Variants in STXBP6 observed in about 807,000 individuals in gnomAD.
The protein encoded by STXBP6 is syntaxin binding protein 6.
STXBP6 carries 21 observed loss-of-function variants against 26.9 expected under a neutral mutation model. That is an observed-to-expected ratio of 0.78 (90% CI 0.55 to 1.12). STXBP6 has a LOEUF of 1.12. STXBP6 is among the 50% of genes most tolerant of loss of function. The pLI, the probability that STXBP6 is intolerant of heterozygous loss-of-function variation, is 0.00. For missense variants in STXBP6, 232 were observed against 257.9 expected, an observed-to-expected ratio of 0.90 and a Z score of 0.69; for synonymous variants, 97 against 92.6, an observed-to-expected ratio of 1.05 and a Z score of -0.27.
At chr14:24,990,692 CA>C (rs1181316200) in intron 1 of STXBP6, among the ~76,000 whole-genome samples, 24 of 144,528 alleles carry the variant, frequency 1.7e-4, no homozygotes, top group African/African-American at 6.0e-4. Flanking sequence ...TAAGCTGGGT[CA>C]ATTAGATCCT....
At chr14:24,830,788 G>C (rs979175246) in intron 4 of STXBP6, among the ~76,000 whole-genome samples, 4 of 152,114 alleles carry the variant, frequency 2.6e-5, no homozygotes, top group Admixed American at 1.3e-4. Flanking sequence ...AGAGAGAAGG[G>C]AAGGGGCTTG....
At chr14:24,829,797 C>T (rs891893921) in intron 4 of STXBP6, among the ~76,000 whole-genome samples, 12 of 151,956 alleles carry the variant, frequency 7.9e-5, no homozygotes, top group South Asian at 2.1e-4. Flanking sequence ...ACCCCATGAC[C>T]GGCAAGGGGC....
chr14:25,011,127 G>C (rs1054202641), intron 1 of STXBP6, among the ~76,000 whole-genome samples: 1 of 152,168 alleles, frequency 6.6e-6, no homozygotes. Context: ...ACAAAAACTA[G>C]TTTAGTATTA....
At chr14:24,922,006 A>G (rs2071996685) in intron 2 of STXBP6, among the ~76,000 whole-genome samples, 1 of 151,458 alleles carries the variant, frequency 6.6e-6, no homozygotes, top group Admixed American at 6.6e-5. Flanking sequence ...TTTTTTCAGG[A>G]TACCATGCAT....
rs554569352 is a variant in STXBP6 at position 24,856,843 on chromosome 14, T to A, written c.285+184A>T. Among the ~76,000 whole-genome samples the A allele has an allele frequency of 2.9e-4, 44 of 152,146 alleles. 1 individual carries two copies. In the Middle Eastern group the frequency reaches 0.017, roughly 59 times the overall value. On this transcript the variant is annotated intron_variant, in intron 3 of 5. Coordinates refer to ENST00000323944, the MANE Select transcript of STXBP6 (RefSeq NM_001394410.1). ...TTCTGTTAGATTCCTCTATTAAACA[T>A]GATGAAAAGATTTATAATTTCCCAT...
At chr14:24,830,798 G>A (rs1478634669) in intron 4 of STXBP6, among the ~76,000 whole-genome samples, 1 of 152,128 alleles carries the variant, frequency 6.6e-6, no homozygotes, top group Admixed American at 6.5e-5. Context: ...GAAGGGGCTT[G>A]CAAATCCTAT....
At chr14:25,020,530 T>TCACAA (rs774629507) in intron 1 of STXBP6, among the ~76,000 whole-genome samples, 28 of 152,166 alleles carry the variant, frequency 1.8e-4, no homozygotes, top group Non-Finnish European at 4.0e-4. Flanking sequence ...ACAACCTCAA[T>TCACAA]ACCCAACCCT....
At chr14:24,971,861 T>C (rs17109380) in intron 2 of STXBP6, among the ~76,000 whole-genome samples, 17,464 of 152,260 alleles carry the variant, frequency 0.11, 1,089 homozygotes, top group African/African-American at 0.14. Context: ...CCCACCAAAT[T>C]AGGTAAGATG....
chr14:25,037,476 A>G (rs182311581), intron 1 of STXBP6, among the ~76,000 whole-genome samples: 8 of 152,344 alleles, frequency 5.3e-5, no homozygotes, highest in African/African-American at 1.9e-4. Context: ...ATTAAAAGAC[A>G]TCATTCAAAT....
intron 2 of STXBP6, among the ~76,000 whole-genome samples, chr14:24,876,524 T>C (rs375348983): frequency 3.6e-4 from 55 of 152,138 alleles, no homozygotes; most frequent in African/African-American, 1.3e-3. Flanking sequence ...AGGACACCCA[T>C]AGTTATAACT....
chr14:24,843,380 C>G (rs1168998064), intron 4 of STXBP6, among the ~76,000 whole-genome samples: 1 of 152,116 alleles, frequency 6.6e-6, no homozygotes, highest in African/African-American at 2.4e-5. Context: ...TTCTCTACTT[C>G]CATTAACTCC....
intron 1 of STXBP6, among the ~76,000 whole-genome samples, chr14:25,041,959 A>G (rs1327686665): frequency 2.0e-5 from 3 of 152,232 alleles, no homozygotes; most frequent in African/African-American, 7.2e-5. Flanking sequence ...AAAGGGTACA[A>G]TTACTACCCT....
chr14:24,857,002 G>T, intron 3 of STXBP6, 25 bp downstream of exon 3: 1 of 1,608,614 alleles, frequency 6.2e-7, no homozygotes, highest in Admixed American at 1.7e-5. Flanking sequence ...GAATGCCTTT[G>T]CTCAGCATTG....
chr14:24,849,134 T>C (rs1475796456), intron 4 of STXBP6, among the ~76,000 whole-genome samples: 1 of 152,064 alleles, frequency 6.6e-6, no homozygotes, highest in Non-Finnish European at 1.5e-5. Flanking sequence ...GCTTTAAATA[T>C]TTGTACTGTT....
At chr14:24,828,444 T>C (rs1261637100) in intron 4 of STXBP6, among the ~76,000 whole-genome samples, 1 of 152,208 alleles carries the variant, frequency 6.6e-6, no homozygotes, top group Non-Finnish European at 1.5e-5. Context: ...AAATTGATTA[T>C]AATTGGATGC....
intron 1 of STXBP6, among the ~76,000 whole-genome samples, chr14:25,040,628 C>G (rs565578520): frequency 6.6e-6 from 1 of 152,228 alleles, no homozygotes; most frequent in Admixed American, 6.5e-5. Context: ...GTTGGTTTCT[C>G]TCTGATAAAG....
chr14:24,817,468 A>G, intron 5 of STXBP6: 1 of 154,644 alleles, frequency 6.5e-6, no homozygotes, highest in Admixed American at 6.3e-5. Flanking sequence ...AAGACATGAA[A>G]GAAAAATGCC....
chr14:24,940,334 G>A (rs1422261312), intron 2 of STXBP6, among the ~76,000 whole-genome samples: 1 of 152,184 alleles, frequency 6.6e-6, no homozygotes, highest in Non-Finnish European at 1.5e-5. Context: ...ATTGCTATAT[G>A]AGAGAGGGCA....
intron 4 of STXBP6, among the ~76,000 whole-genome samples, chr14:24,840,709 C>T (rs1463482679): frequency 6.6e-6 from 1 of 152,196 alleles, no homozygotes; most frequent in Non-Finnish European, 1.5e-5. Flanking sequence ...TCGAGACAGA[C>T]ACTCATTTCA....
Sources: allele counts gnomAD v4.1 joint callset (sites outside exome capture counted in the v4.1 genomes callset), GRCh38; gene constraint gnomAD v4.1.1; transcripts MANE v1.5; gene names NCBI Gene and HGNC (gene_info 2026-07-23, HGNC 2026-07-21).